WFS1: variants seen among roughly 807,000 people sequenced by gnomAD.
The protein encoded by WFS1 is wolframin ER transmembrane glycoprotein.
Under a neutral mutation model 68.5 loss-of-function variants are expected in WFS1, and 90 were observed. The ratio of observed to expected loss-of-function variants is 1.31; its 90% CI spans 1.11 to 1.56. The LOEUF (loss-of-function observed/expected upper bound fraction) is 1.56, where lower values mean the gene tolerates loss of function less well. Ranked by LOEUF, WFS1 falls within the 40% of genes most tolerant of loss-of-function variation. The pLI is 0.00. For synonymous variants in WFS1, 860 were observed against 540.7 expected (o/e 1.59, Z -8.19); for missense variants, 1,767 against 1,232.6 (o/e 1.43, Z -6.49).
At position 6,302,704 on chromosome 4, in the gene WFS1, G is replaced by C. The variant is rs1049034403; in HGVS notation, c.*236G>C. The C allele has an allele frequency of 1.3e-5, 8 of 633,548 alleles. No homozygotes were observed. The African/African-American group carries it at 1.3e-4, about 10-fold the overall frequency. The allele number at this position is 633,548 out of a possible 1,614,324, so 39.2% of individuals were successfully genotyped here. A position where few individuals can be genotyped will look rare whatever the true frequency, so the allele number is the denominator to read the frequency against. On this transcript the variant is annotated 3_prime_UTR_variant, in exon 8 of 8. Coordinates refer to ENST00000226760, the MANE Select transcript of WFS1 (RefSeq NM_006005.3). ...GGGAATTGCATGCCATCTCCACCCT[G>C]AGCCTGACCTTTCTGAGTGACATGG...
At chr4:6,275,953 C>G (rs552704678) in intron 1 of WFS1, among the ~76,000 whole-genome samples, 3 of 152,304 alleles carry the variant, frequency 2.0e-5, no homozygotes, top group African/African-American at 7.2e-5. Context: ...TGCCCCGTCC[C>G]CATTTTCAGA....
At chr4:6,297,768 C>G (rs956790130) in intron 7 of WFS1, among the ~76,000 whole-genome samples, 2 of 152,142 alleles carry the variant, frequency 1.3e-5, no homozygotes, top group African/African-American at 2.4e-5. Context: ...TTTTCCATCT[C>G]AGGAGTTGAA....
In WFS1 at chr4:6,277,685, C is replaced by G. The variant is rs1207524464; in HGVS notation, c.230C>G (p.Thr77Ser). ...AGGAGCCGGGAAAGAGCAGACGGCA[C>G]CGGTAAGGGAGCAGGCTGGGAAGCC... is the stretch of plus-strand genomic sequence containing the variant. ...HTRSRERADG[T>S]GPTKGDMEIP... Residue 77 changes from threonine (T) to serine (S), a missense_variant and splice_region_variant, in exon 2 of 8, where the codon ACC becomes AGC. By Grantham distance (58) the Thr-to-Ser change is moderately conservative. Transcript: ENST00000226760. 9.0e-6 allele frequency: 14 copies of G among 1,558,016 alleles called. No individual in the cohort carries two copies. Among genetic ancestry groups the G allele is most frequent in the Non-Finnish European group, 1.2e-5 (14 of 1,151,784 alleles).
At chr4:6,274,342 T>C (rs1729929176) in intron 1 of WFS1, among the ~76,000 whole-genome samples, 1 of 152,080 alleles carries the variant, frequency 6.6e-6, no homozygotes, top group South Asian at 2.1e-4. Flanking sequence ...CCACCGCGCC[T>C]GGCCGGCTTA....
At chr4:6,299,808 C>CAGGTAGGTTGCGTGTGTGTGTGTAG in intron 7 of WFS1, among the ~76,000 whole-genome samples, 1 of 78,824 alleles carries the variant, frequency 1.3e-5, no homozygotes, top group Non-Finnish European at 2.3e-5. Flanking sequence ...TGTTTGAATG[C>CAGGTAGGTTGCGTGTGTGTGTGTAG]GGGTAGGTTG....
At chr4:6,285,453 C>A (rs1209988527) in intron 2 of WFS1, among the ~76,000 whole-genome samples, 1 of 152,098 alleles carries the variant, frequency 6.6e-6, no homozygotes, top group Admixed American at 6.5e-5. Context: ...AGTTGTCCAT[C>A]CACAGGGCTG....
In WFS1 at chr4:6,302,033, C is replaced by A. The variant is rs1373506779; in HGVS notation, c.2238C>A (p.Asn746Lys). The change falls in exon 8 of 8, where the codon AAC (asparagine) becomes AAA (lysine). Residue 746 changes from asparagine (N) to lysine (K), a missense_variant. Asn to Lys is a moderately conservative substitution (Grantham distance 94). Transcript: ENST00000226760. ...CCTACCCTGCCTGCAGCCCTGGCAA[C>A]ACCTCCACGGCCGAGGAGGAGCTCT... is the stretch of plus-strand genomic sequence containing the variant. ...GEAYPACSPG[N>K]TSTAEEELCR... 5.0e-5 allele frequency: 80 copies of A among 1,612,694 alleles called. No individual in the cohort carries two copies. Among genetic ancestry groups the A allele is most frequent in the Non-Finnish European group, 6.6e-5 (78 of 1,179,944 alleles).
intron 7 of WFS1, among the ~76,000 whole-genome samples, chr4:6,300,210 A>G (rs1730826947): frequency 6.6e-6 from 1 of 152,016 alleles, no homozygotes. Context: ...CCCTTCATGG[A>G]GGCTCAGGGA....
At position 6,280,802 on chromosome 4, in the gene WFS1, C is replaced by G. The variant is rs374505302; in HGVS notation, c.232+3115C>G. On this transcript the variant is annotated intron_variant, in intron 2 of 7. Transcript: ENST00000226760. The stretch of plus-strand genomic sequence containing the variant: ...GCGGCCCTGAGCTCTCCTGCTGTCT[C>G]TGTCATTCACGGGTCTACCAGTAGG... Among the ~76,000 whole-genome samples the G allele has an allele frequency of 9.2e-5, 14 of 152,176 alleles. 1 individual carries two copies. The highest frequency in any genetic ancestry group is 3.4e-4 in the African/African-American group (14 of 41,512).
chr4:6,281,338 T>G (rs1282434775), intron 2 of WFS1, among the ~76,000 whole-genome samples: 1 of 151,956 alleles, frequency 6.6e-6, no homozygotes, highest in Non-Finnish European at 1.5e-5. Flanking sequence ...CCAAGACCCA[T>G]GAGGAATTGG....
intron 5 of WFS1, 27 bp downstream of exon 5, chr4:6,291,394 C>A (rs946235324): frequency 6.2e-7 from 1 of 1,609,198 alleles, no homozygotes; most frequent in Admixed American, 1.7e-5. Flanking sequence ...TGGGCACCAG[C>A]CTTCCCTGGG....
intron 1 of WFS1, among the ~76,000 whole-genome samples, chr4:6,271,832 C>T (rs991854072): frequency 6.6e-6 from 1 of 152,202 alleles, no homozygotes; most frequent in Non-Finnish European, 1.5e-5. Flanking sequence ...GTCAGGTCCG[C>T]CTCCCGAGCC....
intron 1 of WFS1, among the ~76,000 whole-genome samples, chr4:6,270,875 G>A (rs747845038): frequency 6.6e-6 from 1 of 152,312 alleles, no homozygotes; most frequent in Non-Finnish European, 1.5e-5. Flanking sequence ...CCAGGAAGCT[G>A]AGGCTCAGCA....
At position 6,303,103 on chromosome 4, in the gene WFS1, T is replaced by G; in HGVS notation, c.*635T>G. The G allele has an allele frequency of 6.4e-6, 1 of 156,270 alleles. No homozygotes were observed. The highest frequency in any genetic ancestry group is 6.1e-5 in the Admixed American group (1 of 16,432). The allele number at this position is 156,270 out of a possible 1,614,324, so 9.7% of individuals were successfully genotyped here. On this transcript the variant is annotated 3_prime_UTR_variant, in exon 8 of 8. Coordinates refer to ENST00000226760, the MANE Select transcript of WFS1 (RefSeq NM_006005.3). ...CAGGTAGTGGGTGAATGTGTGAAGG[T>G]CTTGCCTGAATCCATCAGGACTTGG...
At chr4:6,294,732 G>C in intron 6 of WFS1, 1 of 412,792 alleles carries the variant, frequency 2.4e-6, no homozygotes, top group Non-Finnish European at 4.6e-6. Flanking sequence ...TGAACTGGGT[G>C]AAAGGTGTGG....
chr4:6,295,745 T>C (rs1730622090), intron 7 of WFS1, among the ~76,000 whole-genome samples: 1 of 152,204 alleles, frequency 6.6e-6, no homozygotes, highest in South Asian at 2.1e-4. Flanking sequence ...ATGAGCAGCT[T>C]TGGCGGCAGG....
intron 3 of WFS1, among the ~76,000 whole-genome samples, chr4:6,288,077 C>G (rs1357312926): frequency 6.6e-6 from 1 of 152,060 alleles, no homozygotes. Context: ...ATTAGCCAGA[C>G]ATGGTGGTGC....
chr4:6,280,581 G>A (rs915719941), intron 2 of WFS1, among the ~76,000 whole-genome samples: 1 of 152,134 alleles, frequency 6.6e-6, no homozygotes. Flanking sequence ...GCTAAAGGGC[G>A]GGCTCAGATG....
Position 6,301,400 on chromosome 4 carries a change from G to T in WFS1, c.1605G>T (p.Leu535=). The part of the protein sequence containing the change: ...KGTYCYLVPY[L]VCFMWCELSV... ...CCTACTGCTACCTTGTGCCCTACCT[G>T]GTGTGCTTCATGTGGTGTGAGCTCT... Residue 535 remains leucine (L), a synonymous_variant, in exon 8 of 8, where the codon CTG becomes CTT. Transcript: ENST00000226760. 1 of 1,612,554 alleles carries T rather than the reference G, an allele frequency of 6.2e-7. No individual in the cohort carries two copies. Among genetic ancestry groups the T allele is most frequent in the South Asian group, 1.1e-5 (1 of 91,082 alleles).
Sources: allele counts gnomAD v4.1 joint callset (sites outside exome capture counted in the v4.1 genomes callset), GRCh38; gene constraint gnomAD v4.1.1; transcripts MANE v1.5; gene names NCBI Gene and HGNC (gene_info 2026-07-23, HGNC 2026-07-21).